Variants in CCDC60 observed in about 807,000 individuals in gnomAD.
CCDC60 encodes the protein coiled-coil domain-containing protein 60.
Under a neutral mutation model 63.5 loss-of-function variants are expected in CCDC60, and 54 were observed. That is an observed-to-expected ratio of 0.85 (90% CI 0.68 to 1.07). The LOEUF is 1.07. Among genes scored for constraint, CCDC60 ranks in the 50% least tolerant of loss-of-function variants. The pLI, the probability that CCDC60 is intolerant of heterozygous loss-of-function variation, is 0.00. For synonymous variants in CCDC60, 206 were observed against 238.8 expected, an observed-to-expected ratio of 0.86 and a Z score of 1.27; for missense variants, 651 against 684.3, an observed-to-expected ratio of 0.95 and a Z score of 0.54.
intron 1 of CCDC60, among the ~76,000 whole-genome samples, chr12:119,357,793 A>C (rs185215099): frequency 2.6e-5 from 4 of 152,344 alleles, no homozygotes; most frequent in Non-Finnish European, 5.9e-5. Flanking sequence ...TATGAGAGAT[A>C]TATTAGTCCT....
At chr12:119,371,171 C>T (rs952291061) in intron 1 of CCDC60, among the ~76,000 whole-genome samples, 17 of 152,158 alleles carry the variant, frequency 1.1e-4, no homozygotes, top group Non-Finnish European at 2.4e-4. Context: ...ATTAAACCAC[C>T]ATCACTGGGG....
At chr12:119,399,559 T>C (rs955849931) in intron 1 of CCDC60, among the ~76,000 whole-genome samples, 8 of 152,320 alleles carry the variant, frequency 5.3e-5, no homozygotes, top group African/African-American at 1.9e-4. Context: ...TGGTGTCTGC[T>C]TGGGATTTTC....
rs1242206322 is a variant in CCDC60, at chr12:119,385,796, C to T, written c.91-42887C>T. Reference sequence around the variant, plus strand: ...GGCCTCTCCCTACCACTAACCTCTTCACTGCCAGTCGCTGCTCCCCCTCCG... The same window carrying T: ...GGCCTCTCCCTACCACTAACCTCTTTACTGCCAGTCGCTGCTCCCCCTCCG... On this transcript the variant is annotated intron_variant, in intron 1 of 13. Transcript: ENST00000327554. Among the ~76,000 whole-genome samples, 7 of 152,346 alleles carry T rather than the reference C, an allele frequency of 4.6e-5. No homozygotes were observed. In the East Asian group the frequency reaches 1.4e-3, roughly 29 times the overall value.
intron 1 of CCDC60, among the ~76,000 whole-genome samples, chr12:119,374,683 C>T (rs1385543824): frequency 7.0e-6 from 1 of 142,922 alleles, no homozygotes; most frequent in East Asian, 1.9e-4. Context: ...ATAGGCAGAG[C>T]AGTGGCATGG....
At chr12:119,398,237 C>T (rs1284507271) in intron 1 of CCDC60, among the ~76,000 whole-genome samples, 4 of 151,534 alleles carry the variant, frequency 2.6e-5, no homozygotes, top group African/African-American at 7.3e-5. Flanking sequence ...GCGGGCAGGC[C>T]GGCAGTGCTG....
intron 11 of CCDC60, among the ~76,000 whole-genome samples, chr12:119,527,687 T>C (rs1216153089): frequency 7.2e-6 from 1 of 139,434 alleles, no homozygotes; most frequent in East Asian, 2.0e-4. Flanking sequence ...TTTTTTTTTT[T>C]TTTTATTGAG....
intron 7 of CCDC60, among the ~76,000 whole-genome samples, chr12:119,511,294 C>G (rs1952209613): frequency 2.0e-5 from 3 of 152,178 alleles, no homozygotes; most frequent in Admixed American, 1.3e-4. Flanking sequence ...TACTATTTGA[C>G]CAAGGTCTAA....
At chr12:119,344,468 G>A (rs1011899767) in intron 1 of CCDC60, among the ~76,000 whole-genome samples, 1 of 152,006 alleles carries the variant, frequency 6.6e-6, no homozygotes, top group Non-Finnish European at 1.5e-5. Context: ...CCACAGGGTG[G>A]GTGTTCAGTG....
intron 1 of CCDC60, among the ~76,000 whole-genome samples, chr12:119,346,784 C>CT (rs751843300): frequency 5.1e-5 from 4 of 78,824 alleles, no homozygotes; most frequent in African/African-American, 2.2e-4. Context: ...CTCTTTCTTT[C>CT]TTTCTTTCTT....
chr12:119,528,790 C>G, intron 12 of CCDC60, 44 bp downstream of exon 12: 1 of 1,585,572 alleles, frequency 6.3e-7, no homozygotes, highest in South Asian at 1.1e-5. Context: ...TGGAAGAGAA[C>G]AGGGTGTTGT....
At chr12:119,481,959 T>A (rs1334845265) in intron 4 of CCDC60, among the ~76,000 whole-genome samples, 1 of 112,302 alleles carries the variant, frequency 8.9e-6, no homozygotes, top group African/African-American at 4.1e-5. Context: ...TGAGCAGTAT[T>A]CCATCATATA....
At chr12:119,439,150 CAAAAAAAAAAA>C (rs11317847) in intron 2 of CCDC60, among the ~76,000 whole-genome samples, 8 of 72,282 alleles carry the variant, frequency 1.1e-4, no homozygotes, top group East Asian at 4.9e-4. Context: ...CTTTTCTGGG[CAAAAAAAAAAA>C]AAAAAAAAAA....
intron 1 of CCDC60, among the ~76,000 whole-genome samples, chr12:119,335,543 T>C (rs552820145): frequency 1.6e-4 from 24 of 151,096 alleles, no homozygotes; most frequent in African/African-American, 5.8e-4. Context: ...ATTTCTCTGA[T>C]GGCCAGTGAT....
intron 12 of CCDC60, 126 bp downstream of exon 12, chr12:119,528,872 C>T (rs892723199): frequency 7.5e-6 from 7 of 928,066 alleles, no homozygotes; most frequent in Non-Finnish European, 1.1e-5. Context: ...CTGTCATTGG[C>T]CATCAACAGG....
At chr12:119,491,536 G>T (rs1379825133) in intron 5 of CCDC60, among the ~76,000 whole-genome samples, 1 of 151,998 alleles carries the variant, frequency 6.6e-6, no homozygotes. Flanking sequence ...CACCATGTTA[G>T]CCAGGATGGT....
At chr12:119,380,927 A>G (rs188261536) in intron 1 of CCDC60, among the ~76,000 whole-genome samples, 544 of 152,310 alleles carry the variant, frequency 3.6e-3, no homozygotes, top group African/African-American at 0.012. Context: ...ACTTTTTATC[A>G]CGTTTCTAAA....
rs1955993153 is a variant in CCDC60, at chr12:119,380,111, A to T, written c.90+44845A>T. Among the ~76,000 whole-genome samples the T allele has an allele frequency of 2.0e-5, 3 of 152,348 alleles. No individual in the cohort carries two copies. The South Asian group carries it at 6.2e-4, about 32-fold the overall frequency. On this transcript the variant is annotated intron_variant, in intron 1 of 13. Coordinates refer to ENST00000327554, the MANE Select transcript of CCDC60 (RefSeq NM_178499.5). ...TCATCCCTCACACACACATTCTCTA[A>T]GAGATGGCCAAGTGTCTCAGAGGCT...
At chr12:119,442,258 C>G (rs1219315340) in intron 2 of CCDC60, among the ~76,000 whole-genome samples, 3 of 152,152 alleles carry the variant, frequency 2.0e-5, no homozygotes, top group Non-Finnish European at 4.4e-5. Flanking sequence ...CTATATGTGA[C>G]TTCATTTCTT....
rs1460087793 is a variant in CCDC60, at chr12:119,456,039, G to GAA, written c.171-15953_171-15952dup. On this transcript the variant is annotated intron_variant, in intron 2 of 13. Transcript: ENST00000327554. The surrounding 1 kb of genome is among the most constrained non-coding windows in gnomAD (Gnocchi z 4.6). ...AGAAAGAAAGAAAGAAAGAAAGAAA[G>GAA]AAAGAAAGAAAGAAAGAAAGAAAGC... is the stretch of plus-strand genomic sequence containing the variant. Among the ~76,000 whole-genome samples, 4 of 145,954 alleles carry GAA rather than the reference G, an allele frequency of 2.7e-5. No homozygotes were observed. The highest frequency in any genetic ancestry group is 6.8e-5 in the Admixed American group (1 of 14,654).
Sources: gnomAD v4.1 joint callset for allele counts (sites outside exome capture counted in the v4.1 genomes callset) on GRCh38, gnomAD v4.1.1 for gene constraint, Gnocchi (gnomAD v3.1) non-coding constraint, MANE v1.5 for transcripts, NCBI Gene and HGNC (gene_info 2026-07-23, HGNC 2026-07-21) for gene names.